FSTL4: variants seen among roughly 807,000 people sequenced by gnomAD.
FSTL4 encodes follistatin-related protein 4.
FSTL4 carries 28 observed loss-of-function variants against 78.2 expected under a neutral mutation model. The ratio of observed to expected loss-of-function variants is 0.36; its 90% CI spans 0.27 to 0.49. FSTL4 has a LOEUF of 0.49. FSTL4 is among the 20% of genes least tolerant of loss of function. FSTL4 has a pLI of 0.98. For synonymous variants in FSTL4, 422 were observed against 440.5 expected (o/e 0.96, Z 0.53); for missense variants, 922 against 1,084.9 (o/e 0.85, Z 2.11).
chr5:133,487,597 T>C (rs1021201208), intron 3 of FSTL4, among the ~76,000 whole-genome samples: 4 of 152,166 alleles, frequency 2.6e-5, no homozygotes, highest in Non-Finnish European at 5.9e-5. Flanking sequence ...CCCAAGTTGA[T>C]GTACATTTCA....
intron 3 of FSTL4, among the ~76,000 whole-genome samples, chr5:133,462,178 G>T (rs751781173): frequency 3.3e-5 from 5 of 152,222 alleles, no homozygotes; most frequent in Non-Finnish European, 7.3e-5. Flanking sequence ...CACGACAACT[G>T]CTTCTGTGAC....
At chr5:133,507,443 T>C (rs1580753449) in intron 3 of FSTL4, among the ~76,000 whole-genome samples, 1 of 152,158 alleles carries the variant, frequency 6.6e-6, no homozygotes, top group Non-Finnish European at 1.5e-5. Flanking sequence ...CTGCTCTTTT[T>C]TGAAAGTAAC....
At chr5:133,395,589 C>T (rs1200139539) in intron 4 of FSTL4, among the ~76,000 whole-genome samples, 1 of 152,230 alleles carries the variant, frequency 6.6e-6, no homozygotes, top group Non-Finnish European at 1.5e-5. Flanking sequence ...GACTTCCCTG[C>T]TTGGCACACA....
At chr5:133,441,575 T>A (rs1226936978) in intron 3 of FSTL4, among the ~76,000 whole-genome samples, 1 of 152,090 alleles carries the variant, frequency 6.6e-6, no homozygotes, top group Non-Finnish European at 1.5e-5. Context: ...GCCACCTGCT[T>A]GGAGGCCTGA....
At chr5:133,226,463 C>T (rs1320758504) in intron 8 of FSTL4, among the ~76,000 whole-genome samples, 1 of 152,168 alleles carries the variant, frequency 6.6e-6, no homozygotes. Context: ...CTCCAGCACC[C>T]TCCACAGAGC....
chr5:133,202,968 T>A (rs1170136958), intron 14 of FSTL4, among the ~76,000 whole-genome samples: 5 of 152,174 alleles, frequency 3.3e-5, no homozygotes, highest in Non-Finnish European at 7.4e-5. Flanking sequence ...GAGTGAGTGG[T>A]CTGGAGTCCC....
intron 3 of FSTL4, among the ~76,000 whole-genome samples, chr5:133,546,903 T>A (rs1190319518): frequency 6.6e-6 from 1 of 152,104 alleles, no homozygotes; most frequent in Non-Finnish European, 1.5e-5. Context: ...TTTGCAGGCA[T>A]GAAGAATACA....
intron 3 of FSTL4, among the ~76,000 whole-genome samples, chr5:133,433,359 G>A (rs1756977901): frequency 6.6e-6 from 1 of 152,332 alleles, no homozygotes; most frequent in African/African-American, 2.4e-5. Context: ...AACTGGCAAC[G>A]GGGTACCCAC....
intron 3 of FSTL4, among the ~76,000 whole-genome samples, chr5:133,448,749 G>GGT (rs1554115260): frequency 7.1e-5 from 10 of 140,256 alleles, no homozygotes; most frequent in Non-Finnish European, 1.3e-4. Context: ...CGGGGGGGGG[G>GGT]GGCGCTCAGA....
chr5:133,655,739 G>A, the FSTL4 span, among the ~76,000 whole-genome samples: 16 of 152,248 alleles, frequency 1.1e-4, no homozygotes, highest in African/African-American at 3.9e-4. Flanking sequence ...GAAGAGAGAG[G>A]AACAAAGCCA....
chr5:133,246,213 C>T (rs1394067264), intron 7 of FSTL4, among the ~76,000 whole-genome samples: 1 of 152,210 alleles, frequency 6.6e-6, no homozygotes, highest in Non-Finnish European at 1.5e-5. Context: ...TCTCCCACTG[C>T]CGTGGGGTGA....
At chr5:133,327,948 C>A (rs1366549424) in intron 4 of FSTL4, among the ~76,000 whole-genome samples, 1 of 152,224 alleles carries the variant, frequency 6.6e-6, no homozygotes, top group Non-Finnish European at 1.5e-5. Context: ...GAGGGCCTTG[C>A]ATCAAGGCTG....
rs1191394663 is a variant in FSTL4 at position 133,558,301 on chromosome 5, G to C, written c.160+8885C>G. 2.0e-5 allele frequency among the ~76,000 whole-genome samples: 3 copies of C among 152,220 alleles called. No individual in the cohort carries two copies. In the East Asian group the frequency reaches 5.8e-4, roughly 29 times the overall value. The stretch of plus-strand genomic sequence containing the variant: ...TAGTAGTTATCAAACTAGAGTCCCA[G>C]ATATTGTTTTTGAGGCACTGATGAG... On this transcript the variant is annotated intron_variant, in intron 3 of 15. Transcript: ENST00000265342.
chr5:133,405,617 G>T (rs1366804767), intron 3 of FSTL4, among the ~76,000 whole-genome samples: 2 of 152,194 alleles, frequency 1.3e-5, no homozygotes, highest in African/African-American at 2.4e-5. Flanking sequence ...AGATATGTGG[G>T]GTGCGCATCC....
At chr5:133,450,550 G>T (rs767724527) in intron 3 of FSTL4, among the ~76,000 whole-genome samples, 4 of 152,252 alleles carry the variant, frequency 2.6e-5, no homozygotes, top group Non-Finnish European at 5.9e-5. Context: ...TAAAAAAAGT[G>T]CATGAGCAAT....
the FSTL4 span, among the ~76,000 whole-genome samples, chr5:133,643,801 A>G: frequency 2.6e-5 from 4 of 152,224 alleles, no homozygotes; most frequent in Admixed American, 6.5e-5. Flanking sequence ...TAGGCCACAG[A>G]GCTCACAATG....
At chr5:133,541,079 C>T (rs1426729184) in intron 3 of FSTL4, among the ~76,000 whole-genome samples, 1 of 152,192 alleles carries the variant, frequency 6.6e-6, no homozygotes, top group East Asian at 1.9e-4. Context: ...ATGGTGTCAT[C>T]TCATATTTTT....
chr5:133,569,302 C>T (rs556056432), intron 2 of FSTL4, among the ~76,000 whole-genome samples: 3 of 152,312 alleles, frequency 2.0e-5, no homozygotes, highest in East Asian at 1.9e-4. Context: ...CCATGTTAGG[C>T]GTTGTGTTCA....
At chr5:133,374,487 C>T (rs1755385228) in intron 4 of FSTL4, among the ~76,000 whole-genome samples, 1 of 152,042 alleles carries the variant, frequency 6.6e-6, no homozygotes, top group Admixed American at 6.6e-5. Flanking sequence ...ACAGTACTAC[C>T]ATCTTGGTTA....
Sources: gnomAD v4.1 joint callset for allele counts (sites outside exome capture counted in the v4.1 genomes callset) on GRCh38, gnomAD v4.1.1 for gene constraint, MANE v1.5 for transcripts, NCBI Gene and HGNC (gene_info 2026-07-23, HGNC 2026-07-21) for gene names.